TYW1: variants seen among roughly 807,000 people sequenced by gnomAD.
TYW1 encodes the protein S-adenosyl-L-methionine-dependent tRNA 4-demethylwyosine synthase TYW1.
In TYW1, 46 loss-of-function variants were observed where a neutral mutation model predicts 96.2. The observed-to-expected ratio is 0.48, with a 90% confidence interval of 0.38 to 0.61. TYW1 has a LOEUF of 0.61. Among genes scored for constraint, TYW1 ranks in the 20% least tolerant of loss-of-function variants. The pLI, the probability that TYW1 is intolerant of heterozygous loss-of-function variation, is 0.00. For missense variants in TYW1, 684 were observed against 909.6 expected, an observed-to-expected ratio of 0.75 and a Z score of 3.19; for synonymous variants, 274 against 323.0, an observed-to-expected ratio of 0.85 and a Z score of 1.63.
At chr7:67,167,865 C>A (rs1398729573) in intron 13 of TYW1, among the ~76,000 whole-genome samples, 1 of 152,036 alleles carries the variant, frequency 6.6e-6, no homozygotes, top group East Asian at 1.9e-4. Context: ...AGCGATTCTC[C>A]TGCCTCAGCC....
intron 1 of TYW1, among the ~76,000 whole-genome samples, chr7:66,997,298 C>T (rs1473144784): frequency 6.8e-6 from 1 of 147,078 alleles, no homozygotes; most frequent in Non-Finnish European, 1.5e-5. Context: ...ACGTTTGAAG[C>T]CAGGTCCCTG....
intron 13 of TYW1, among the ~76,000 whole-genome samples, chr7:67,143,669 G>A (rs1324482607): frequency 1.3e-5 from 2 of 152,180 alleles, no homozygotes; most frequent in East Asian, 1.9e-4. Flanking sequence ...GATAAGCTGG[G>A]GTGTTGAGAA....
chr7:67,220,505 A>G (rs537158101), intron 15 of TYW1, among the ~76,000 whole-genome samples: 229 of 151,880 alleles, frequency 1.5e-3, no homozygotes, highest in African/African-American at 4.7e-3. Flanking sequence ...GCCTGGCCTC[A>G]TTTATTGATT....
intron 3 of TYW1, among the ~76,000 whole-genome samples, chr7:67,000,166 G>A (rs1277621983): frequency 1.3e-5 from 2 of 151,934 alleles, no homozygotes; most frequent in Non-Finnish European, 2.9e-5. Flanking sequence ...AAACTCTTGG[G>A]CTCAAGCAAT....
chr7:67,045,910 T>C (rs557180290), intron 7 of TYW1, among the ~76,000 whole-genome samples: 5 of 152,264 alleles, frequency 3.3e-5, no homozygotes, highest in Admixed American at 2.0e-4. Context: ...ACCCTAGAAC[T>C]GTTTTACTGG....
chr7:67,025,639 C>G (rs1321927826), intron 7 of TYW1, among the ~76,000 whole-genome samples: 4 of 152,130 alleles, frequency 2.6e-5, no homozygotes, highest in African/African-American at 7.2e-5. Context: ...ATCAGCATGA[C>G]TGGGGCCCCT....
At chr7:67,209,906 A>G (rs1800943730) in intron 15 of TYW1, among the ~76,000 whole-genome samples, 1 of 152,064 alleles carries the variant, frequency 6.6e-6, no homozygotes, top group Non-Finnish European at 1.5e-5. Flanking sequence ...TATGTTTTAC[A>G]GAAGTTTTTG....
At chr7:66,997,750 C>T (rs1348497066) in intron 1 of TYW1, among the ~76,000 whole-genome samples, 4 of 151,646 alleles carry the variant, frequency 2.6e-5, no homozygotes, top group Admixed American at 2.6e-4. Flanking sequence ...TGCCTCAGCC[C>T]CCCGAGTAGC....
intron 7 of TYW1, among the ~76,000 whole-genome samples, chr7:67,034,210 T>C (rs1794761794): frequency 6.6e-6 from 1 of 151,718 alleles, no homozygotes; most frequent in African/African-American, 2.4e-5. Flanking sequence ...TTCAAGCAAT[T>C]CTCCTGCCTC....
At chr7:67,147,898 T>C (rs981646580) in intron 13 of TYW1, among the ~76,000 whole-genome samples, 4 of 150,886 alleles carry the variant, frequency 2.7e-5, no homozygotes, top group Non-Finnish European at 2.9e-5. Context: ...CTATGGAAAT[T>C]AGGAAGAAGG....
intron 13 of TYW1, among the ~76,000 whole-genome samples, chr7:67,166,052 A>C (rs1359969236): frequency 1.3e-5 from 2 of 152,100 alleles, no homozygotes; most frequent in African/African-American, 2.4e-5. Context: ...CCAGCCTGAC[A>C]ATATAGCGAC....
intron 6 of TYW1, among the ~76,000 whole-genome samples, chr7:67,023,539 G>A (rs1386952173): frequency 5.9e-5 from 9 of 152,066 alleles, no homozygotes; most frequent in African/African-American, 1.7e-4. Flanking sequence ...AGGCTGAGGC[G>A]GGCGCGTCAC....
chr7:67,104,337 A>G (rs1483701910), intron 12 of TYW1, among the ~76,000 whole-genome samples: 1 of 152,222 alleles, frequency 6.6e-6, no homozygotes, highest in Non-Finnish European at 1.5e-5. Flanking sequence ...ACTTAAAATC[A>G]TGGCAGAAGG....
intron 7 of TYW1, among the ~76,000 whole-genome samples, chr7:67,031,153 A>G (rs1167499994): frequency 3.3e-3 from 444 of 136,142 alleles, no homozygotes; most frequent in Non-Finnish European, 4.4e-3. Context: ...AGATTGCGCC[A>G]TTGCACTCCA....
chr7:67,181,439 A>G (rs1298179580), intron 13 of TYW1, among the ~76,000 whole-genome samples: 3 of 152,166 alleles, frequency 2.0e-5, no homozygotes, highest in African/African-American at 7.2e-5. Context: ...ATGAGTAAAT[A>G]TGCTTGGAAA....
chr7:66,997,557 T>C (rs1793221048), intron 1 of TYW1, among the ~76,000 whole-genome samples: 1 of 152,228 alleles, frequency 6.6e-6, no homozygotes, highest in East Asian at 1.9e-4. Flanking sequence ...CTGTTTTTTC[T>C]TTGAGTTAGT....
In TYW1 at chr7:67,076,922, G is replaced by A. The variant is rs922857941; in HGVS notation, c.1275-6508G>A. Among the ~76,000 whole-genome samples, 8 of 151,716 alleles carry A rather than the reference G, an allele frequency of 5.3e-5. 1 individual carries two copies. Among genetic ancestry groups the A allele is most frequent in the Admixed American group, 3.9e-4 (6 of 15,194 alleles). ...CCTGACTAACTGGGATTACAGGCTC[G>A]TGCCACCACCTGGCTAATTTTTTAT... On this transcript the variant is annotated intron_variant, in intron 10 of 15. Transcript: ENST00000359626.
chr7:67,170,628 A>G (rs901093462), intron 13 of TYW1, among the ~76,000 whole-genome samples: 4 of 152,152 alleles, frequency 2.6e-5, no homozygotes, highest in African/African-American at 7.2e-5. Flanking sequence ...TATTACCCCA[A>G]CATAGAATCC....
intron 3 of TYW1, among the ~76,000 whole-genome samples, chr7:67,004,337 A>T (rs1246933557): frequency 1.3e-5 from 2 of 152,044 alleles, no homozygotes; most frequent in Non-Finnish European, 2.9e-5. Context: ...TCCTGAATAG[A>T]TGAATCCCTG....
Sources: gnomAD v4.1 joint callset for allele counts (sites outside exome capture counted in the v4.1 genomes callset) on GRCh38, gnomAD v4.1.1 for gene constraint, MANE v1.5 for transcripts, NCBI Gene and HGNC (gene_info 2026-07-23, HGNC 2026-07-21) for gene names.